Variants in DLGAP2 observed in about 807,000 individuals in gnomAD.
DLGAP2 encodes disks large-associated protein 2.
DLGAP2 carries 26 observed loss-of-function variants against 100.3 expected under a neutral mutation model. The ratio of observed to expected loss-of-function variants is 0.26; its 90% CI spans 0.19 to 0.36. The LOEUF (loss-of-function observed/expected upper bound fraction) is 0.36, where lower values mean the gene tolerates loss of function less well. Among genes scored for constraint, DLGAP2 ranks in the 10% least tolerant of loss-of-function variants. DLGAP2 has a pLI of 1.00. For missense variants in DLGAP2, 1,858 were observed against 1,453.2 expected (o/e 1.28, Z -4.53); for synonymous variants, 886 against 630.1 (o/e 1.41, Z -6.08).
At chr8:1,481,465 C>CTTTTTCTTTTT (rs1799090764) in intron 3 of DLGAP2, among the ~76,000 whole-genome samples, 1 of 81,724 alleles carries the variant, frequency 1.2e-5, no homozygotes, top group African/African-American at 4.4e-5. Flanking sequence ...TTTTCTTTTT[C>CTTTTTCTTTTT]TTTTTCTTTT....
At chr8:1,164,197 G>A (rs1212052432) in intron 2 of DLGAP2, among the ~76,000 whole-genome samples, 3,238 of 106,404 alleles carry the variant, frequency 0.03, 217 homozygotes, top group Middle Eastern at 0.044. Flanking sequence ...GGATTTTTCT[G>A]TGAGCCCCCA....
At chr8:1,318,780 C>CCCCCCCCCCCCCCCCCCCCCCA (rs1800826663) in intron 3 of DLGAP2, among the ~76,000 whole-genome samples, 1 of 64,484 alleles carries the variant, frequency 1.6e-5, no homozygotes, top group Non-Finnish European at 3.2e-5. Flanking sequence ...AGTGATCAGC[C>CCCCCCCCCCCCCCCCCCCCCCA]CCCCCCCCGC....
At chr8:1,368,239 TATGTGTGAGC>T (rs530637064) in intron 3 of DLGAP2, among the ~76,000 whole-genome samples, 22 of 152,192 alleles carry the variant, frequency 1.4e-4, no homozygotes, top group Admixed American at 1.0e-3. Context: ...TGTATGCATG[TATGTGTGAGC>T]ATGTGTGTGC....
In DLGAP2 at chr8:941,640, A is replaced by T. The variant is rs190245818; in HGVS notation, c.73+33674A>T. 1.4e-3 allele frequency among the ~76,000 whole-genome samples: 210 copies of T among 152,252 alleles called. 1 individual carries two copies. Among genetic ancestry groups the T allele is most frequent in the African/African-American group, 5.0e-3 (206 of 41,538 alleles). Reference sequence around the variant, plus strand: ...CTAATTCTCAGGAAGTGTGCATTTCAATCTGCCAGCCACAGCGAAAAGCCA... The same window carrying T: ...CTAATTCTCAGGAAGTGTGCATTTCTATCTGCCAGCCACAGCGAAAAGCCA... On this transcript the variant is annotated intron_variant, in intron 2 of 14. Transcript: ENST00000637795.
chr8:1,312,803 C>G (rs1280431023), intron 3 of DLGAP2, among the ~76,000 whole-genome samples: 1 of 152,212 alleles, frequency 6.6e-6, no homozygotes, highest in East Asian at 1.9e-4. Context: ...AGAGCTGCTT[C>G]TTGCAGCAGG....
intron 2 of DLGAP2, among the ~76,000 whole-genome samples, chr8:1,205,584 A>G (rs1797972555): frequency 6.6e-6 from 1 of 152,188 alleles, no homozygotes; most frequent in Non-Finnish European, 1.5e-5. Flanking sequence ...ACTGCAACAC[A>G]GAGGCACCAA....
chr8:1,282,394 C>T (rs1306917608), intron 3 of DLGAP2, among the ~76,000 whole-genome samples: 6 of 140,114 alleles, frequency 4.3e-5, no homozygotes, highest in East Asian at 2.4e-4. Flanking sequence ...AGCATCCAGA[C>T]GTGGTGTGAC....
chr8:882,523 G>A (rs1227726883), intron 1 of DLGAP2, among the ~76,000 whole-genome samples: 1 of 90,204 alleles, frequency 1.1e-5, no homozygotes, highest in Non-Finnish European at 2.2e-5. Context: ...TCCCCTGCGC[G>A]CACCCTCGCC....
At chr8:1,162,200 G>C (rs950557753) in intron 2 of DLGAP2, among the ~76,000 whole-genome samples, 2 of 152,292 alleles carry the variant, frequency 1.3e-5, no homozygotes, top group African/African-American at 2.4e-5. Context: ...CGAGGGAGGC[G>C]GCGATTCATC....
intron 2 of DLGAP2, among the ~76,000 whole-genome samples, chr8:1,135,016 A>G (rs1361345780): frequency 1.3e-5 from 2 of 152,180 alleles, no homozygotes; most frequent in Non-Finnish European, 2.9e-5. Flanking sequence ...TTTTAGTGCT[A>G]AAGAGACTCC....
intron 1 of DLGAP2, among the ~76,000 whole-genome samples, chr8:896,276 G>C (rs1017453282): frequency 6.6e-6 from 1 of 151,928 alleles, no homozygotes; most frequent in African/African-American, 2.4e-5. Flanking sequence ...AGGGTTTGTT[G>C]GATGGGGATA....
intron 1 of DLGAP2, among the ~76,000 whole-genome samples, chr8:800,113 T>G (rs4735928): frequency 0.99 from 150,031 of 152,152 alleles, 74,004 homozygotes; most frequent in Middle Eastern, 1. Flanking sequence ...GTGTCTGCTG[T>G]CTCTAATCTG....
At position 1,693,839 on chromosome 8, in the gene DLGAP2, G is replaced by T. The variant is rs572317725; in HGVS notation, c.2796+2213G>T. ...AGTGCCTCGAAAGAAGCCTGTAACT[G>T]TGTAAACATTCAGCTGCCATGTCAC... On this transcript the variant is annotated intron_variant, in intron 13 of 14. Coordinates refer to ENST00000637795, the MANE Select transcript of DLGAP2 (RefSeq NM_001346810.2). Among the ~76,000 whole-genome samples, 22 of 152,338 alleles carry T rather than the reference G, an allele frequency of 1.4e-4. No individual in the cohort carries two copies. In the South Asian group the frequency reaches 4.3e-3, roughly 30 times the overall value.
intron 8 of DLGAP2, 144 bp downstream of exon 8, chr8:1,633,190 A>G (rs1797693237): frequency 5.4e-6 from 4 of 741,132 alleles, no homozygotes; most frequent in Non-Finnish European, 8.7e-6. Flanking sequence ...CATGTGTTAC[A>G]CTGTCACATT....
intron 6 of DLGAP2, among the ~76,000 whole-genome samples, chr8:1,602,024 C>A (rs1240536732): frequency 1.3e-5 from 2 of 151,730 alleles, no homozygotes; most frequent in Non-Finnish European, 1.5e-5. Flanking sequence ...CTCTATCCCT[C>A]ACGAGCTGTC....
chr8:915,952 C>T lies in DLGAP2; in HGVS notation c.73+7986C>T, dbSNP rs533743108. 2.4e-4 allele frequency among the ~76,000 whole-genome samples: 34 copies of T among 142,308 alleles called. No homozygotes were observed. The South Asian group carries it at 4.6e-3, about 19-fold the overall frequency. 93.4% of individuals were successfully genotyped at this position (142,308 alleles called of 152,430 possible). A position where few individuals can be genotyped will look rare whatever the true frequency, so the allele number is the denominator to read the frequency against. ...CTCTCCGCACTCTCTTTTTTCTGCC[C>T]GTCCGTCAGTTCACCCGTCCGTCCA... On this transcript the variant is annotated intron_variant, in intron 2 of 14. Transcript: ENST00000637795.
At chr8:906,872 G>A (rs1798391601) in intron 1 of DLGAP2, among the ~76,000 whole-genome samples, 1 of 152,218 alleles carries the variant, frequency 6.6e-6, no homozygotes, top group African/African-American at 2.4e-5. Flanking sequence ...GATTTGCACA[G>A]AGTTGAAAAT....
intron 2 of DLGAP2, among the ~76,000 whole-genome samples, chr8:983,788 A>C (rs1800409703): frequency 6.6e-6 from 1 of 151,974 alleles, no homozygotes; most frequent in African/African-American, 2.4e-5. Context: ...GACTATATAT[A>C]GGTGTATGTC....
At chr8:1,679,762 G>T (rs1206730811) in intron 12 of DLGAP2, among the ~76,000 whole-genome samples, 3 of 152,136 alleles carry the variant, frequency 2.0e-5, no homozygotes, top group African/African-American at 7.2e-5. Flanking sequence ...CGGGTGGATG[G>T]CCTGAGGTCA....
Sources: gnomAD v4.1 joint callset for allele counts (sites outside exome capture counted in the v4.1 genomes callset) on GRCh38, gnomAD v4.1.1 for gene constraint, MANE v1.5 for transcripts, NCBI Gene and HGNC (gene_info 2026-07-23, HGNC 2026-07-21) for gene names.